The following CACNA2D1 variants were observed in gnomAD, a reference collection of about 807,000 sequenced individuals.
CACNA2D1 encodes calcium voltage-gated channel auxiliary subunit alpha2delta 1, also known as voltage-dependent calcium channel subunit alpha-2/delta-1.
CACNA2D1 carries 53 observed loss-of-function variants against 171.5 expected under a neutral mutation model. That is an observed-to-expected ratio of 0.31 (90% confidence interval 0.25 to 0.39). The LOEUF (loss-of-function observed/expected upper bound fraction) is 0.39, where lower values mean the gene tolerates loss of function less well. Among genes scored for constraint, CACNA2D1 ranks in the 10% least tolerant of loss-of-function variants. The pLI, the probability that CACNA2D1 is intolerant of heterozygous loss-of-function variation, is 1.00. For missense variants in CACNA2D1, 903 were observed against 1,299.8 expected, an observed-to-expected ratio of 0.69 and a Z score of 4.69; for synonymous variants, 442 against 443.1, an observed-to-expected ratio of 1.00 and a Z score of 0.03.
chr7:82,074,758 T>C (rs549321905), intron 7 of CACNA2D1, among the ~76,000 whole-genome samples: 44 of 152,254 alleles, frequency 2.9e-4, no homozygotes, highest in African/African-American at 1.0e-3. Context: ...AATCAAATAA[T>C]TTTGAATTTT....
At chr7:82,231,027 T>C (rs1370219678) in intron 3 of CACNA2D1, among the ~76,000 whole-genome samples, 3 of 152,214 alleles carry the variant, frequency 2.0e-5, no homozygotes, top group Admixed American at 6.5e-5. Flanking sequence ...CAAAAAGCCA[T>C]GTCAGCAAAT....
intron 5 of CACNA2D1, among the ~76,000 whole-genome samples, chr7:82,123,395 T>C (rs1789969721): frequency 6.6e-6 from 1 of 152,188 alleles, no homozygotes; most frequent in Non-Finnish European, 1.5e-5. Flanking sequence ...TTTTGCCTAC[T>C]GCAAGAACAC....
intron 1 of CACNA2D1, among the ~76,000 whole-genome samples, chr7:82,403,745 C>G (rs1177576648): frequency 6.6e-6 from 1 of 152,132 alleles, no homozygotes; most frequent in South Asian, 2.1e-4. Flanking sequence ...GGGGGAAGAC[C>G]GGAATTAATG....
At chr7:82,220,228 C>A (rs1801599082) in intron 3 of CACNA2D1, among the ~76,000 whole-genome samples, 1 of 152,052 alleles carries the variant, frequency 6.6e-6, no homozygotes, top group Non-Finnish European at 1.5e-5. Flanking sequence ...CTTTTGAGAA[C>A]TTAATTATGT....
At chr7:82,126,107 A>G (rs1189378778) in intron 5 of CACNA2D1, among the ~76,000 whole-genome samples, 4 of 152,192 alleles carry the variant, frequency 2.6e-5, no homozygotes, top group African/African-American at 9.7e-5. Context: ...TGAGGTTGCT[A>G]TTACTATCAC....
intron 3 of CACNA2D1, among the ~76,000 whole-genome samples, chr7:82,255,049 T>C (rs1414561658): frequency 6.6e-6 from 1 of 152,222 alleles, no homozygotes; most frequent in Non-Finnish European, 1.5e-5. Flanking sequence ...GTCAGTCTGA[T>C]CTTTCCCTAG....
intron 1 of CACNA2D1, among the ~76,000 whole-genome samples, chr7:82,416,123 G>A (rs1377121180): frequency 6.6e-6 from 1 of 152,062 alleles, no homozygotes; most frequent in East Asian, 1.9e-4. Context: ...GGTGAAGTAG[G>A]AGAATCACTT....
At chr7:82,258,922 G>C (rs945841475) in intron 3 of CACNA2D1, among the ~76,000 whole-genome samples, 6 of 139,310 alleles carry the variant, frequency 4.3e-5, no homozygotes, top group Non-Finnish European at 7.6e-5. Flanking sequence ...CCGCCTCCCA[G>C]GTTCAAGTGA....
At position 82,232,861 on chromosome 7, in the gene CACNA2D1, C is replaced by CAAAAAAAA. The variant is rs71093370; in HGVS notation, c.295-62260_295-62253dup. Among the ~76,000 whole-genome samples, 29 of 52,450 alleles carry CAAAAAAAA rather than the reference C, an allele frequency of 5.5e-4. 1 individual carries two copies. Among genetic ancestry groups the CAAAAAAAA allele is most frequent in the African/African-American group, 1.9e-3 (29 of 15,200 alleles). The allele number at this position is 52,450 out of a possible 152,430, so 34.4% of individuals were successfully genotyped here. A position where few individuals can be genotyped will look rare whatever the true frequency, so the allele number is the denominator to read the frequency against. ...CCTGGGCAACAGAGCGAGATGTCTC[C>CAAAAAAAA]AAAAAAAAAAAAAAAAAAAAAAAAA... On this transcript the variant is annotated intron_variant, in intron 3 of 38. Transcript: ENST00000356860.
At chr7:82,195,499 G>T (rs958824892) in intron 3 of CACNA2D1, among the ~76,000 whole-genome samples, 3 of 151,980 alleles carry the variant, frequency 2.0e-5, no homozygotes, top group African/African-American at 4.8e-5. Context: ...TCTGTTTAAA[G>T]ATCGTGCTTA....
rs117023364 is a variant in CACNA2D1, at chr7:82,278,435, T to C, written c.294+56700A>G. Reference sequence around the variant, plus strand: ...AACTAATAAAAATACAAAAATTAGCTGGATCTCAGCTACTCAGGAGGCTGA... The same window carrying C: ...AACTAATAAAAATACAAAAATTAGCCGGATCTCAGCTACTCAGGAGGCTGA... On this transcript the variant is annotated intron_variant, in intron 3 of 38. Coordinates refer to ENST00000356860, the MANE Select transcript of CACNA2D1 (RefSeq NM_000722.4). Among the ~76,000 whole-genome samples, 821 of 151,402 alleles carry C rather than the reference T, an allele frequency of 5.4e-3. 19 individuals are homozygous for C. In the East Asian group the frequency reaches 0.089, roughly 16 times the overall value.
Position 82,003,026 on chromosome 7 carries a change from C to G in CACNA2D1, c.1590+2397G>C, listed in dbSNP as rs142311302. Among the ~76,000 whole-genome samples, 887 of 151,966 alleles carry G rather than the reference C, an allele frequency of 5.8e-3. 5 individuals carry two copies. The highest frequency in any genetic ancestry group is 0.018 in the African/African-American group (729 of 41,474). ...TAAGATTTTGTTAGTATACTGTTAC[C>G]ATATGTTCCTTTGTATTTGTTGATT... On this transcript the variant is annotated intron_variant, in intron 18 of 38. Transcript: ENST00000356860.
intron 1 of CACNA2D1, among the ~76,000 whole-genome samples, chr7:82,375,009 C>A (rs189694129): frequency 1.1e-4 from 16 of 152,216 alleles, no homozygotes; most frequent in Admixed American, 5.2e-4. Context: ...TAATCCCCAA[C>A]AAGCTAAGGG....
chr7:81,985,773 G>C (rs913179975), intron 21 of CACNA2D1, among the ~76,000 whole-genome samples: 1 of 152,116 alleles, frequency 6.6e-6, no homozygotes. Flanking sequence ...GAGTTTTGTA[G>C]TTAACAAGAG....
chr7:81,989,244 A>G (rs1241545077), intron 21 of CACNA2D1, among the ~76,000 whole-genome samples: 2 of 152,314 alleles, frequency 1.3e-5, no homozygotes, highest in Admixed American at 1.3e-4. Context: ...GACGGTCAGT[A>G]AGGTCAAATG....
chr7:82,194,612 A>G (rs1798671698), intron 3 of CACNA2D1, among the ~76,000 whole-genome samples: 1 of 151,932 alleles, frequency 6.6e-6, no homozygotes, highest in South Asian at 2.1e-4. Flanking sequence ...ACAATACTCT[A>G]TCATGTTTTC....
intron 5 of CACNA2D1, among the ~76,000 whole-genome samples, chr7:82,117,606 C>T (rs994236459): frequency 5.9e-5 from 9 of 152,132 alleles, no homozygotes; most frequent in African/African-American, 2.2e-4. Context: ...GGCAACACGG[C>T]AAACCCTTGT....
At chr7:82,070,258 G>A (rs1159049580) in intron 7 of CACNA2D1, among the ~76,000 whole-genome samples, 2 of 152,154 alleles carry the variant, frequency 1.3e-5, no homozygotes, top group African/African-American at 4.8e-5. Flanking sequence ...ATCTAGGAAA[G>A]CAAATAGCTG....
rs182170821 is a variant in CACNA2D1 at position 81,985,638 on chromosome 7, T to C, written c.1797-927A>G. ...CTTTACTGCACTAACAGAAATTGTTTGCTAAGCTCATTAGTTTATACCCAA... is the reference window on the plus strand; with the variant it reads ...CTTTACTGCACTAACAGAAATTGTTCGCTAAGCTCATTAGTTTATACCCAA... On this transcript the variant is annotated intron_variant, in intron 21 of 38. Coordinates refer to ENST00000356860, the MANE Select transcript of CACNA2D1 (RefSeq NM_000722.4). 2.9e-3 allele frequency among the ~76,000 whole-genome samples: 438 copies of C among 152,328 alleles called. 3 individuals carry two copies. The highest frequency in any genetic ancestry group is 9.9e-3 in the African/African-American group (413 of 41,568).
Sources: allele counts gnomAD v4.1 joint callset (sites outside exome capture counted in the v4.1 genomes callset), GRCh38; gene constraint gnomAD v4.1.1; transcripts MANE v1.5; gene names NCBI Gene and HGNC (gene_info 2026-07-23, HGNC 2026-07-21).